MDGA2: variants seen among roughly 807,000 people sequenced by gnomAD.
MDGA2 encodes the protein MAM domain-containing glycosylphosphatidylinositol anchor protein 2.
Under a neutral mutation model 117.8 loss-of-function variants are expected in MDGA2, and 40 were observed. The observed-to-expected ratio is 0.34, with a 90% CI of 0.26 to 0.44. The LOEUF is 0.44. Among genes scored for constraint, MDGA2 ranks in the 20% least tolerant of loss-of-function variants. MDGA2 has a pLI of 1.00. For synonymous variants in MDGA2, 452 were observed against 439.0 expected (o/e 1.03, Z -0.37); for missense variants, 1,123 against 1,250.6 (o/e 0.90, Z 1.54).
chr14:47,595,547 CAAAAAAAAACAAAA>C (rs1369119123), intron 1 of MDGA2, among the ~76,000 whole-genome samples: 2 of 69,056 alleles, frequency 2.9e-5, no homozygotes, highest in African/African-American at 1.5e-4. Context: ...AACCAAAAAA[CAAAAAAAAACAAAA>C]AAAAAAAAAA....
chr14:47,482,432 C>T (rs1211616532), intron 1 of MDGA2, among the ~76,000 whole-genome samples: 1 of 152,040 alleles, frequency 6.6e-6, no homozygotes, highest in East Asian at 1.9e-4. Flanking sequence ...AGTTCCAGGT[C>T]TAAGTAAAAC....
At chr14:47,478,347 TA>T (rs1306558549) in intron 1 of MDGA2, among the ~76,000 whole-genome samples, 1 of 152,204 alleles carries the variant, frequency 6.6e-6, no homozygotes, top group Non-Finnish European at 1.5e-5. Context: ...TATTCCATGA[TA>T]TTTTTATTAA....
At chr14:47,367,170 G>A (rs1594819607) in intron 1 of MDGA2, among the ~76,000 whole-genome samples, 1 of 152,042 alleles carries the variant, frequency 6.6e-6, no homozygotes, top group African/African-American at 2.4e-5. Flanking sequence ...AAAATATACT[G>A]GGATTAAGTA....
At chr14:47,656,058 GCATACTA>G (rs1370652544) in intron 1 of MDGA2, among the ~76,000 whole-genome samples, 4 of 152,228 alleles carry the variant, frequency 2.6e-5, no homozygotes, top group Non-Finnish European at 5.9e-5. Flanking sequence ...ACAGTTTATG[GCATACTA>G]CTGGGAACTT....
chr14:47,225,859 C>A (rs972847924), intron 2 of MDGA2, among the ~76,000 whole-genome samples: 3 of 151,966 alleles, frequency 2.0e-5, no homozygotes, highest in Non-Finnish European at 2.9e-5. Flanking sequence ...GCATAAGAAC[C>A]CATTTTTCTA....
intron 3 of MDGA2, chr14:47,201,107 T>C: frequency 1.1e-5 from 9 of 805,736 alleles, no homozygotes; most frequent in South Asian, 1.1e-4. Context: ...TCCGCCATCT[T>C]CGGCAGCAGC....
Position 47,335,745 on chromosome 14 carries a change from T to TATATATATATATACACATAC in MDGA2, c.281-34196_281-34195insGTATGTGTATATATATATAT. Among the ~76,000 whole-genome samples, 10 of 95,580 alleles carry TATATATATATATACACATAC rather than the reference T, an allele frequency of 1.0e-4. 1 individual carries two copies. The highest frequency in any genetic ancestry group is 3.8e-4 in the South Asian group (1 of 2,652). 62.7% of individuals were successfully genotyped at this position (95,580 alleles called of 152,430 possible). A position where few individuals can be genotyped will look rare whatever the true frequency, so the allele number is the denominator to read the frequency against. On this transcript the variant is annotated intron_variant, in intron 1 of 16. Transcript: ENST00000399232. Reference sequence around the variant, plus strand: ...TGCACACATATATTTTATATATATATATACATACATACATACAGGATCACT... The same window carrying TATATATATATATACACATAC: ...TGCACACATATATTTTATATATATATATATATATATATACACATACATACATACATACATACAGGATCACT...
chr14:46,864,064 C>T (rs1347290434), intron 14 of MDGA2, among the ~76,000 whole-genome samples: 1 of 147,662 alleles, frequency 6.8e-6, no homozygotes, highest in East Asian at 2.0e-4. Flanking sequence ...ATCCCTCCCC[C>T]CTCCCCCCAC....
At chr14:47,228,616 AT>A (rs762489095) in intron 2 of MDGA2, among the ~76,000 whole-genome samples, 2 of 152,012 alleles carry the variant, frequency 1.3e-5, no homozygotes, top group African/African-American at 4.8e-5. Flanking sequence ...AAATTAATGC[AT>A]TTTTTTCTGC....
intron 7 of MDGA2, among the ~76,000 whole-genome samples, chr14:47,048,893 A>G (rs1889355998): frequency 6.6e-6 from 1 of 152,150 alleles, no homozygotes; most frequent in African/African-American, 2.4e-5. Flanking sequence ...CTGTAGAAGT[A>G]TACAGAAGTT....
chr14:47,380,081 C>G (rs1048075017), intron 1 of MDGA2, among the ~76,000 whole-genome samples: 2 of 152,168 alleles, frequency 1.3e-5, no homozygotes, highest in Admixed American at 1.3e-4. Context: ...CTCAAAACTG[C>G]TCAACTACAT....
chr14:47,308,554 A>C (rs1435706768), intron 1 of MDGA2, among the ~76,000 whole-genome samples: 1 of 139,648 alleles, frequency 7.2e-6, no homozygotes, highest in African/African-American at 2.7e-5. Flanking sequence ...TCAGGACCAC[A>C]TATGAGGGAA....
At chr14:46,970,069 G>A (rs1886205118) in intron 8 of MDGA2, among the ~76,000 whole-genome samples, 1 of 150,722 alleles carries the variant, frequency 6.6e-6, no homozygotes, top group South Asian at 2.1e-4. Context: ...CAATTGGAAA[G>A]ACATTCCATT....
At chr14:46,980,679 C>A (rs550789392) in intron 8 of MDGA2, among the ~76,000 whole-genome samples, 1 of 152,142 alleles carries the variant, frequency 6.6e-6, no homozygotes, top group Non-Finnish European at 1.5e-5. Context: ...CCTTCAGTAA[C>A]CACCACCGCA....
intron 9 of MDGA2, among the ~76,000 whole-genome samples, chr14:46,944,044 C>G (rs955380127): frequency 1.3e-5 from 2 of 151,708 alleles, no homozygotes; most frequent in Non-Finnish European, 2.9e-5. Flanking sequence ...TTATCTTTAC[C>G]CACTTATTTA....
chr14:47,469,462 T>C (rs113109778), intron 1 of MDGA2, among the ~76,000 whole-genome samples: 36,942 of 152,090 alleles, frequency 0.24, 5,153 homozygotes, highest in South Asian at 0.47. Context: ...GCTTCATCCA[T>C]GTCCGTACAA....
chr14:47,644,993 A>G (rs1433874592), intron 1 of MDGA2, among the ~76,000 whole-genome samples: 1 of 152,190 alleles, frequency 6.6e-6, no homozygotes, highest in Non-Finnish European at 1.5e-5. Flanking sequence ...GCAGGCAGCC[A>G]CTAGAAGCTG....
chr14:47,219,916 G>C (rs1180601925), intron 2 of MDGA2, among the ~76,000 whole-genome samples: 8 of 152,050 alleles, frequency 5.3e-5, no homozygotes, highest in African/African-American at 1.9e-4. Context: ...GGAGTAAAAA[G>C]AGGATAGTGA....
At chr14:47,136,835 G>A (rs775545152) in intron 4 of MDGA2, among the ~76,000 whole-genome samples, 1 of 152,164 alleles carries the variant, frequency 6.6e-6, no homozygotes, top group Non-Finnish European at 1.5e-5. Flanking sequence ...TCTAATGGTA[G>A]TAATAGGAAC....
Sources: allele counts gnomAD v4.1 joint callset (sites outside exome capture counted in the v4.1 genomes callset), GRCh38; gene constraint gnomAD v4.1.1; transcripts MANE v1.5; gene names NCBI Gene and HGNC (gene_info 2026-07-23, HGNC 2026-07-21).